KDM3B: variants seen among roughly 807,000 people sequenced by gnomAD.
The protein encoded by KDM3B is lysine-specific demethylase 3B.
In KDM3B, 10 loss-of-function variants were observed where a neutral mutation model predicts 170.0. The ratio of observed to expected loss-of-function variants is 0.06; its 90% CI spans 0.04 to 0.10. The LOEUF (loss-of-function observed/expected upper bound fraction) is 0.10. Ranked by LOEUF, KDM3B falls within the 10% of genes least tolerant of loss-of-function variation. The probability of loss-of-function intolerance (pLI) is 1.00; values close to 1 mark genes in which losing one functional copy is unlikely to be tolerated. For synonymous variants in KDM3B, 831 were observed against 834.8 expected (o/e 1.00, Z 0.08); for missense variants, 1,394 against 2,195.2 (o/e 0.64, Z 7.29).
At chr5:138,430,165 T>C in intron 21 of KDM3B, 84 bp from the exon 22 acceptor site, 1 of 1,487,176 alleles carries the variant, frequency 6.7e-7, no homozygotes, top group Non-Finnish European at 9.2e-7. Flanking sequence ...CCCCACCCCA[T>C]CTTAGGACAT....
chr5:138,426,923 C>A, intron 17 of KDM3B, 52 bp from the exon 18 acceptor site: 4 of 1,337,966 alleles, frequency 3.0e-6, no homozygotes, highest in South Asian at 1.2e-5. Flanking sequence ...TGTTGAAAAT[C>A]GGACACCAGC....
rs2126929171 is a variant in KDM3B at position 138,377,609 on chromosome 5, T to C, written c.475-111T>C. On this transcript the variant is annotated intron_variant, in intron 3 of 23. Transcript: ENST00000314358. ...GCCTGAGACTAAGGTTCTATAGATA[T>C]TGTTTGGCAAATGTTGATATACAGC... is the stretch of plus-strand genomic sequence containing the variant. The C allele has an allele frequency of 5.6e-6, 4 of 713,698 alleles. No homozygotes were observed. The South Asian group carries it at 6.7e-5, about 12-fold the overall frequency. The allele number at this position is 713,698 out of a possible 1,614,324, so 44.2% of individuals were successfully genotyped here. A position where few individuals can be genotyped will look rare whatever the true frequency, so the allele number is the denominator to read the frequency against.
chr5:138,356,493 T>C (rs1761451058), intron 1 of KDM3B, among the ~76,000 whole-genome samples: 1 of 152,146 alleles, frequency 6.6e-6, no homozygotes, highest in Non-Finnish European at 1.5e-5. Context: ...GGCTTTTTCA[T>C]TTCTTTTATT....
intron 11 of KDM3B, among the ~76,000 whole-genome samples, chr5:138,413,662 C>T (rs1434230780): frequency 6.6e-6 from 1 of 152,064 alleles, no homozygotes; most frequent in Non-Finnish European, 1.5e-5. Flanking sequence ...GAGACAGGGT[C>T]TCTTTCTGTT....
intron 1 of KDM3B, among the ~76,000 whole-genome samples, chr5:138,363,560 T>A (rs1156891870): frequency 2.6e-5 from 4 of 152,216 alleles, no homozygotes; most frequent in Non-Finnish European, 5.9e-5. Context: ...TTTTTTTTCT[T>A]TTTTGAGACG....
At chr5:138,383,370 C>T (rs1199103161) in intron 6 of KDM3B, among the ~76,000 whole-genome samples, 1 of 152,108 alleles carries the variant, frequency 6.6e-6, no homozygotes, top group Non-Finnish European at 1.5e-5. Context: ...AACTCCTGAC[C>T]TCGTGATCCG....
intron 23 of KDM3B, 42 bp from the exon 24 acceptor site, chr5:138,435,578 A>G (rs1763653090): frequency 1.3e-6 from 2 of 1,502,574 alleles, no homozygotes; most frequent in Non-Finnish European, 1.9e-6. Flanking sequence ...GTACATTTGC[A>G]TGGGGCTGCT....
chr5:138,384,486 C>T (rs760467170), intron 6 of KDM3B, among the ~76,000 whole-genome samples: 3 of 151,920 alleles, frequency 2.0e-5, no homozygotes, highest in Non-Finnish European at 4.4e-5. Context: ...ACTTGTAATT[C>T]CAGCACTTTG....
chr5:138,429,677 T>A (rs996384223), intron 20 of KDM3B, 149 bp from the exon 21 acceptor site: 26 of 786,056 alleles, frequency 3.3e-5, no homozygotes, highest in Non-Finnish European at 5.1e-5. Flanking sequence ...TGTAGGGAGC[T>A]TAGACCAGTA....
rs1762056415 is a variant in KDM3B at position 138,378,716 on chromosome 5, A to G, written c.581-868A>G. On this transcript the variant is annotated intron_variant, in intron 4 of 23. Coordinates refer to ENST00000314358, the MANE Select transcript of KDM3B (RefSeq NM_016604.4). Reference sequence around the variant, plus strand: ...AAGGAAAGATACGGCAGAAGAAAGAATATGAGGAAAATTGGTAGCAGAAAA... The same window carrying G: ...AAGGAAAGATACGGCAGAAGAAAGAGTATGAGGAAAATTGGTAGCAGAAAA... Among the ~76,000 whole-genome samples, 5 of 151,700 alleles carry G rather than the reference A, an allele frequency of 3.3e-5. No individual in the cohort carries two copies. The South Asian group carries it at 1.0e-3, about 31-fold the overall frequency.
At chr5:138,419,728 T>TACACACC in intron 14 of KDM3B, among the ~76,000 whole-genome samples, 1 of 122,202 alleles carries the variant, frequency 8.2e-6, no homozygotes, top group East Asian at 2.4e-4. Flanking sequence ...TACACACACA[T>TACACACC]ACACACACAC....
chr5:138,399,835 C>T (rs761032517), intron 10 of KDM3B, 25 bp from the exon 11 acceptor site: 2 of 1,607,328 alleles, frequency 1.2e-6, no homozygotes, highest in Non-Finnish European at 1.7e-6. Context: ...TGATCAATGC[C>T]AATTCTGTTT....
chr5:138,429,164 G>T (rs1298243952), intron 20 of KDM3B, among the ~76,000 whole-genome samples: 1 of 151,386 alleles, frequency 6.6e-6, no homozygotes, highest in African/African-American at 2.4e-5. Context: ...CAATTCTCAT[G>T]CCTCAGCCTC....
intron 15 of KDM3B, among the ~76,000 whole-genome samples, chr5:138,422,667 C>T (rs7736491): frequency 0.042 from 6,322 of 152,068 alleles, 180 homozygotes; most frequent in South Asian, 0.11. Flanking sequence ...AAAAAGGTTT[C>T]GACTGAAAAG....
intron 11 of KDM3B, among the ~76,000 whole-genome samples, chr5:138,405,949 T>G (rs938845270): frequency 1.3e-5 from 2 of 152,094 alleles, no homozygotes; most frequent in Admixed American, 1.3e-4. Context: ...AGCAACCACT[T>G]AAAAACAAAG....
intron 1 of KDM3B, 103 bp downstream of exon 1, chr5:138,353,090 T>C: frequency 1.1e-6 from 1 of 938,058 alleles, no homozygotes; most frequent in Non-Finnish European, 1.4e-6. Flanking sequence ...GGGTGACCCA[T>C]TTCCGTGCCC....
At chr5:138,384,290 G>T (rs574184767) in intron 6 of KDM3B, among the ~76,000 whole-genome samples, 12 of 150,480 alleles carry the variant, frequency 8.0e-5, no homozygotes, top group Non-Finnish European at 1.6e-4. Context: ...TTAGCAAACA[G>T]ATAAAGTTCT....
chr5:138,417,646 C>T (rs1763137979), intron 13 of KDM3B, 36 bp downstream of exon 13: 2 of 1,599,196 alleles, frequency 1.3e-6, no homozygotes, highest in Admixed American at 1.7e-5. Flanking sequence ...TAAGTGAAGC[C>T]TAAATTTTTT....
At chr5:138,356,393 C>G (rs748663045) in intron 1 of KDM3B, among the ~76,000 whole-genome samples, 16 of 152,190 alleles carry the variant, frequency 1.1e-4, no homozygotes, top group Non-Finnish European at 1.5e-5. Flanking sequence ...TCACTGGTAT[C>G]ATCAGTCTTT....
Sources: gnomAD v4.1 joint callset for allele counts (sites outside exome capture counted in the v4.1 genomes callset) on GRCh38, gnomAD v4.1.1 for gene constraint, MANE v1.5 for transcripts, NCBI Gene and HGNC (gene_info 2026-07-23, HGNC 2026-07-21) for gene names.